RARB: variants seen among roughly 807,000 people sequenced by gnomAD.
RARB encodes the protein retinoic acid receptor beta, also known as HBV-activated protein.
RARB carries 17 observed loss-of-function variants against 51.9 expected under a neutral mutation model. The ratio of observed to expected loss-of-function variants is 0.33; its 90% CI spans 0.22 to 0.49. The LOEUF (loss-of-function observed/expected upper bound fraction) is 0.49. RARB is among the 20% of genes least tolerant of loss of function. RARB has a pLI of 0.99. For synonymous variants in RARB, 215 were observed against 195.4 expected (o/e 1.10, Z -0.84); for missense variants, 369 against 550.8 (o/e 0.67, Z 3.30).
At chr3:24,935,212 T>C (rs1695524238) in intron 2 of RARB, among the ~76,000 whole-genome samples, 2 of 152,170 alleles carry the variant, frequency 1.3e-5, no homozygotes, top group African/African-American at 4.8e-5. Context: ...CAAATTGCTT[T>C]GTTACGTTTA....
chr3:25,516,787 C>G (rs1030879377), intron 3 of RARB, among the ~76,000 whole-genome samples: 1 of 152,064 alleles, frequency 6.6e-6, no homozygotes, highest in Non-Finnish European at 1.5e-5. Flanking sequence ...CCTCCACACC[C>G]AACTAATTTT....
intron 3 of RARB, among the ~76,000 whole-genome samples, chr3:25,550,238 A>G (rs1276988517): frequency 6.6e-6 from 1 of 152,194 alleles, no homozygotes; most frequent in East Asian, 1.9e-4. Context: ...TTGAGACATT[A>G]TGCAGTTTCC....
chr3:25,175,443 T>A (rs1298934145), intron 5 of RARB, among the ~76,000 whole-genome samples: 1 of 152,212 alleles, frequency 6.6e-6, no homozygotes, highest in Non-Finnish European at 1.5e-5. Flanking sequence ...GCATTTTGCT[T>A]CTCTTCAAGG....
rs151074952 is a variant in RARB, at chr3:25,222,047, T to A, written c.178+47472T>A. On this transcript the variant is annotated intron_variant, in intron 5 of 11. Transcript: ENST00000383772. ...TCATGGGAGCGTAATCGGAACGAGCTATCACTCTCATTAAGTTACTTGGTA... is the reference window on the plus strand; with the variant it reads ...TCATGGGAGCGTAATCGGAACGAGCAATCACTCTCATTAAGTTACTTGGTA... 2.8e-4 allele frequency among the ~76,000 whole-genome samples: 42 copies of A among 152,338 alleles called. 1 individual carries two copies. The East Asian group carries it at 7.7e-3, about 28-fold the overall frequency.
intron 2 of RARB, among the ~76,000 whole-genome samples, chr3:25,026,403 G>C (rs1170114901): frequency 6.6e-6 from 1 of 152,180 alleles, no homozygotes; most frequent in Non-Finnish European, 1.5e-5. Flanking sequence ...GGTGTTGGTG[G>C]GTGTCGTGTC....
chr3:25,047,361 C>G (rs1698238880), intron 2 of RARB, among the ~76,000 whole-genome samples: 3 of 151,890 alleles, frequency 2.0e-5, no homozygotes, highest in Middle Eastern at 3.2e-3. Context: ...CGTTCCAGCC[C>G]ATCAGGTACT....
At chr3:25,487,942 A>C (rs1245125146) in intron 2 of RARB, among the ~76,000 whole-genome samples, 2 of 152,218 alleles carry the variant, frequency 1.3e-5, no homozygotes, top group African/African-American at 4.8e-5. Context: ...CCCTCTATAG[A>C]TATGTTAAAT....
intron 3 of RARB, among the ~76,000 whole-genome samples, chr3:25,096,431 A>G (rs1448514457): frequency 6.6e-6 from 1 of 152,180 alleles, no homozygotes. Flanking sequence ...ACAGATTCCA[A>G]AAATCCAGTT....
At chr3:24,894,354 G>C (rs1174833976) in intron 2 of RARB, among the ~76,000 whole-genome samples, 1 of 150,128 alleles carries the variant, frequency 6.7e-6, no homozygotes, top group African/African-American at 2.5e-5. Flanking sequence ...TTACAAGTGA[G>C]AACATGCAAT....
intron 2 of RARB, among the ~76,000 whole-genome samples, chr3:24,967,004 T>A (rs1032427643): frequency 6.6e-5 from 10 of 152,170 alleles, no homozygotes; most frequent in Admixed American, 5.9e-4. Flanking sequence ...ATATTCAAAA[T>A]TAAATGTGTC....
chr3:25,340,398 T>C (rs1039988995), intron 5 of RARB, among the ~76,000 whole-genome samples: 4 of 152,166 alleles, frequency 2.6e-5, no homozygotes, highest in Non-Finnish European at 4.4e-5. Flanking sequence ...AAGCCCTGTT[T>C]TCTTTAAAAT....
chr3:25,554,302 C>A (rs191171030), intron 3 of RARB, among the ~76,000 whole-genome samples: 2 of 151,510 alleles, frequency 1.3e-5, no homozygotes, highest in Admixed American at 6.6e-5. Flanking sequence ...TATTTTCTTC[C>A]CTAAGTTTGA....
In RARB at chr3:25,015,690, G is replaced by C. The variant is rs142929857; in HGVS notation, c.-379-44435G>C. Reference sequence around the variant, plus strand: ...CCATTTATTCCTATCTACACTGTTAGACATTCCAAGGAGAGAGGCTATTCT... The same window carrying C: ...CCATTTATTCCTATCTACACTGTTACACATTCCAAGGAGAGAGGCTATTCT... On this transcript the variant is annotated intron_variant, in intron 2 of 11. Transcript: ENST00000383772. 2.0e-3 allele frequency among the ~76,000 whole-genome samples: 304 copies of C among 152,234 alleles called. 1 individual carries two copies. Among genetic ancestry groups the C allele is most frequent in the Non-Finnish European group, 3.5e-3 (241 of 68,024 alleles).
intron 2 of RARB, among the ~76,000 whole-genome samples, chr3:25,499,580 C>A (rs1196407396): frequency 1.3e-5 from 2 of 152,016 alleles, no homozygotes; most frequent in African/African-American, 4.8e-5. Flanking sequence ...TCGGTGTTTC[C>A]CAGAAAATCA....
chr3:25,208,078 TACTC>T (rs1185948815), intron 5 of RARB, among the ~76,000 whole-genome samples: 1 of 151,910 alleles, frequency 6.6e-6, no homozygotes, highest in Non-Finnish European at 1.5e-5. Flanking sequence ...ATCTCATGAG[TACTC>T]ACTCATTATT....
At chr3:25,413,342 G>T (rs1365920545) in intron 5 of RARB, among the ~76,000 whole-genome samples, 1 of 152,086 alleles carries the variant, frequency 6.6e-6, no homozygotes, top group Non-Finnish European at 1.5e-5. Context: ...GTCTTCTATT[G>T]TGTGAATATA....
intron 4 of RARB, among the ~76,000 whole-genome samples, chr3:25,162,960 A>T (rs1191180827): frequency 6.6e-6 from 1 of 152,212 alleles, no homozygotes; most frequent in South Asian, 2.1e-4. Context: ...ACTGGGTTAT[A>T]TGGTAGTTCC....
rs78235536 is a variant in RARB at position 25,591,102 on chromosome 3, G to T, written c.787-2401G>T. 5.8e-3 allele frequency among the ~76,000 whole-genome samples: 881 copies of T among 152,328 alleles called. 13 individuals are homozygous for T. The highest frequency in any genetic ancestry group is 0.02 in the African/African-American group (844 of 41,564). On this transcript the variant is annotated intron_variant, in intron 5 of 7. Transcript: ENST00000330688. ...GAAATGGCTGGGCTAGCTCAGAAAG[G>T]CCCCTGGGCAAGTATCTGGGAGGTG... is the stretch of plus-strand genomic sequence containing the variant.
intron 5 of RARB, among the ~76,000 whole-genome samples, chr3:25,285,509 G>C (rs867221338): frequency 3.9e-5 from 6 of 152,222 alleles, no homozygotes; most frequent in Non-Finnish European, 2.9e-5. Context: ...TTTGGCTGCA[G>C]TGTGGAGAAA....
Sources: gnomAD v4.1 joint callset for allele counts (sites outside exome capture counted in the v4.1 genomes callset) on GRCh38, gnomAD v4.1.1 for gene constraint, MANE v1.5 for transcripts, NCBI Gene and HGNC (gene_info 2026-07-23, HGNC 2026-07-21) for gene names.